Variants in CSMD3 observed in about 807,000 individuals in gnomAD.
CSMD3 encodes CUB and sushi domain-containing protein 3.
A neutral mutation model predicts 435.2 loss-of-function variants in CSMD3; 177 were observed. That is an observed-to-expected ratio of 0.41 (90% CI 0.36 to 0.46). The LOEUF (loss-of-function observed/expected upper bound fraction) is 0.46. Ranked by LOEUF, CSMD3 falls within the 20% of genes least tolerant of loss-of-function variation. The pLI, the probability that CSMD3 is intolerant of heterozygous loss-of-function variation, is 0.34. For missense variants in CSMD3, 4,265 were observed against 4,504.6 expected, an observed-to-expected ratio of 0.95 and a Z score of 1.52; for synonymous variants, 1,656 against 1,520.5, an observed-to-expected ratio of 1.09 and a Z score of -2.07.
At chr8:112,922,355 G>T (rs2082770585) in intron 9 of CSMD3, among the ~76,000 whole-genome samples, 2 of 151,794 alleles carry the variant, frequency 1.3e-5, no homozygotes, top group Non-Finnish European at 2.9e-5. Context: ...TTTATCCTTT[G>T]TGTTACAAAA....
At chr8:112,249,478 A>G (rs896677427) in intron 63 of CSMD3, among the ~76,000 whole-genome samples, 6 of 151,350 alleles carry the variant, frequency 4.0e-5, no homozygotes, top group South Asian at 4.2e-4. Flanking sequence ...TAGGCGCTAC[A>G]CTTTGAGAAC....
chr8:112,884,017 A>T (rs2081520550), intron 10 of CSMD3, among the ~76,000 whole-genome samples: 1 of 151,912 alleles, frequency 6.6e-6, no homozygotes, highest in Admixed American at 6.6e-5. Context: ...CTGCATCACC[A>T]GTAAGTATCT....
intron 2 of CSMD3, chr8:113,312,873 T>C (rs971639757): frequency 6.6e-6 from 1 of 152,170 alleles, no homozygotes; most frequent in African/African-American, 2.4e-5. Flanking sequence ...TGTAAAAGTT[T>C]ATGTATGAGT....
intron 3 of CSMD3, among the ~76,000 whole-genome samples, chr8:113,260,488 C>A (rs1433939478): frequency 6.6e-6 from 1 of 152,128 alleles, no homozygotes; most frequent in Admixed American, 6.6e-5. Context: ...GGAACCCAAA[C>A]AAGTTTGAAA....
intron 11 of CSMD3, among the ~76,000 whole-genome samples, chr8:112,847,818 G>T (rs1162273040): frequency 9.9e-5 from 15 of 152,132 alleles, no homozygotes; most frequent in Admixed American, 9.8e-4. Context: ...CAGTGTTACA[G>T]GTGAGTTCAA....
chr8:113,070,714 T>A (rs1271246330), intron 5 of CSMD3, among the ~76,000 whole-genome samples: 7 of 152,094 alleles, frequency 4.6e-5, no homozygotes, highest in Non-Finnish European at 1.0e-4. Flanking sequence ...TTTGTCTTTC[T>A]GTGTCTAGCT....
chr8:112,727,872 A>T (rs2076998281), intron 13 of CSMD3, among the ~76,000 whole-genome samples: 2 of 151,904 alleles, frequency 1.3e-5, no homozygotes, highest in Non-Finnish European at 2.9e-5. Flanking sequence ...AAGTAATTTC[A>T]TTAACCAAAA....
chr8:113,230,481 T>G (rs2132183005), intron 3 of CSMD3, among the ~76,000 whole-genome samples: 1 of 151,712 alleles, frequency 6.6e-6, no homozygotes, highest in East Asian at 1.9e-4. Flanking sequence ...ACCAGAGAAC[T>G]ATTAGAGTTT....
chr8:112,950,745 T>C (rs2083778498), intron 8 of CSMD3, among the ~76,000 whole-genome samples: 2 of 151,956 alleles, frequency 1.3e-5, no homozygotes, highest in African/African-American at 4.8e-5. Context: ...GAATCTATAT[T>C]TAAACTCAGG....
Position 112,271,814 on chromosome 8 carries a change from A to T in CSMD3, c.9509-6224T>A, listed in dbSNP as rs1192069599. Reference sequence around the variant, plus strand: ...AATAGTAATAATTAGCATGAAAAGAATAAAGGCTTTGTTTCTTTAGTGCTA... The same window carrying T: ...AATAGTAATAATTAGCATGAAAAGATTAAAGGCTTTGTTTCTTTAGTGCTA... On this transcript the variant is annotated intron_variant, in intron 59 of 70. Coordinates refer to ENST00000297405, the MANE Select transcript of CSMD3 (RefSeq NM_198123.2). Among the ~76,000 whole-genome samples, 2 of 152,212 alleles carry T rather than the reference A, an allele frequency of 1.3e-5. 1 individual carries two copies. The highest frequency in any genetic ancestry group is 4.8e-5 in the African/African-American group (2 of 41,466).
intron 12 of CSMD3, among the ~76,000 whole-genome samples, chr8:112,801,661 T>A (rs184061358): frequency 7.5e-4 from 114 of 152,166 alleles, no homozygotes; most frequent in Non-Finnish European, 1.5e-3. Flanking sequence ...TTTTGGGGCA[T>A]GTGAACTTTC....
rs2130257175 is a variant in CSMD3 at position 112,254,274 on chromosome 8, C to T, written c.10089G>A (p.Gln3363=). The part of the protein sequence containing the change: ...ENPGVPRHGS[Q]NNTFGFQVGS... ...CCACTTGAAATCCGAATGTATTGTT[C>T]TGAGATCCATGCCGAGGCACACCTG... Residue 3363 remains glutamine, a synonymous_variant, in exon 63 of 71, where the codon CAG becomes CAA. Coordinates refer to ENST00000297405, the MANE Select transcript of CSMD3 (RefSeq NM_198123.2). 1 of 1,612,464 alleles carries T rather than the reference C, an allele frequency of 6.2e-7. No individual in the cohort carries two copies. The highest frequency in any genetic ancestry group is 8.5e-7 in the Non-Finnish European group (1 of 1,178,794).
chr8:112,495,357 C>CAAA (rs1157078712), intron 30 of CSMD3, among the ~76,000 whole-genome samples: 1 of 152,174 alleles, frequency 6.6e-6, no homozygotes, highest in Non-Finnish European at 1.5e-5. Flanking sequence ...AGTTTGCTTT[C>CAAA]TCCTTCTTTG....
In CSMD3 at chr8:112,295,863, T is replaced by C; in HGVS notation, c.8584A>G (p.Asn2862Asp). Residue 2862 changes from asparagine to aspartate, a missense_variant, in exon 54 of 71, where the codon AAT (asparagine) becomes GAT (aspartate). This residue lies in a region of CSMD3 where 3,255 missense variants were observed against 3,380.2 expected (regional missense o/e 0.96). Transcript: ENST00000297405. ...SSVRICQQDH[N>D]WSGQLPSCVP... ...CAGGATGGGAGCTGACCAGACCAAT[T>C]GTGATCCTGTTGACATATCCTCACT... 1 of 1,614,004 alleles carries C rather than the reference T, an allele frequency of 6.2e-7. No individual in the cohort carries two copies. Among genetic ancestry groups the C allele is most frequent in the South Asian group, 1.1e-5 (1 of 91,062 alleles).
chr8:112,882,222 A>C (rs1287498097), intron 10 of CSMD3, among the ~76,000 whole-genome samples: 1 of 151,926 alleles, frequency 6.6e-6, no homozygotes, highest in Non-Finnish European at 1.5e-5. Flanking sequence ...TCAAGCAAAA[A>C]TCTGCCTTTC....
At chr8:112,532,071 A>G (rs994867500) in intron 27 of CSMD3, among the ~76,000 whole-genome samples, 12 of 151,466 alleles carry the variant, frequency 7.9e-5, no homozygotes, top group South Asian at 4.1e-4. Flanking sequence ...GAAAAATACA[A>G]TTGATGAACT....
intron 32 of CSMD3, among the ~76,000 whole-genome samples, chr8:112,421,185 T>C (rs1185209532): frequency 2.0e-5 from 3 of 151,816 alleles, no homozygotes; most frequent in African/African-American, 7.3e-5. Flanking sequence ...ATTTTTTTTT[T>C]AACAGAAGGA....
rs1422358532 is a variant in CSMD3 at position 112,829,806 on chromosome 8, A to G, written c.1756-17T>C. 7.1e-7 allele frequency: 1 copy of G among 1,405,488 alleles called. No individual in the cohort carries two copies. 87.1% of individuals were successfully genotyped at this position (1,405,488 alleles called of 1,614,324 possible). A position where few individuals can be genotyped will look rare whatever the true frequency, so the allele number is the denominator to read the frequency against. On this transcript the variant is annotated splice_polypyrimidine_tract_variant and intron_variant, in intron 11 of 70. Coordinates refer to ENST00000297405, the MANE Select transcript of CSMD3 (RefSeq NM_198123.2). Reference sequence around the variant, plus strand: ...CTGGATAACCTAGCAGTAAACAGAAACATGCACCTTAAATATACTGCGTTG... The same window carrying G: ...CTGGATAACCTAGCAGTAAACAGAAGCATGCACCTTAAATATACTGCGTTG...
chr8:113,215,515 C>A (rs2092893721), intron 3 of CSMD3, among the ~76,000 whole-genome samples: 1 of 151,806 alleles, frequency 6.6e-6, no homozygotes, highest in Non-Finnish European at 1.5e-5. Context: ...AAATCATTAT[C>A]TTCTAAATGG....
Sources: allele counts gnomAD v4.1 joint callset (sites outside exome capture counted in the v4.1 genomes callset), GRCh38; gene constraint gnomAD v4.1.1; regional missense constraint gnomAD v4.1.1; transcripts MANE v1.5; gene names NCBI Gene and HGNC (gene_info 2026-07-23, HGNC 2026-07-21).